The following RGPD3 variants were observed in gnomAD, a reference collection of about 807,000 sequenced individuals.
RGPD3 encodes RANBP2 like and GRIP domain containing 3, also known as ranBP2-like and GRIP domain-containing protein 3.
Under a neutral mutation model 154.5 loss-of-function variants are expected in RGPD3, and 62 were observed. That is an observed-to-expected ratio of 0.40 (90% confidence interval 0.33 to 0.50). The LOEUF (loss-of-function observed/expected upper bound fraction) is 0.50. Ranked by LOEUF, RGPD3 falls within the 20% of genes least tolerant of loss-of-function variation. RGPD3 has a pLI of 0.59. For missense variants in RGPD3, 919 were observed against 1,716.8 expected (o/e 0.54, Z 8.21); for synonymous variants, 308 against 607.0 (o/e 0.51, Z 7.24).
chr2:106,417,977 A>G (rs1243985209), intron 20 of RGPD3, among the ~76,000 whole-genome samples: 1 of 148,596 alleles, frequency 6.7e-6, no homozygotes, highest in Non-Finnish European at 1.5e-5. Flanking sequence ...AAAAATGCAA[A>G]AATTAGCCAG....
At chr2:106,459,410 C>T in intron 1 of RGPD3, 78 bp from the exon 2 acceptor site, 4 of 647,722 alleles carry the variant, frequency 6.2e-6, no homozygotes, top group South Asian at 1.8e-5. Flanking sequence ...TAAAAATCTG[C>T]CCTAAGTTTA....
intron 18 of RGPD3, among the ~76,000 whole-genome samples, chr2:106,429,110 T>TA (rs1276160285): frequency 1.5e-4 from 23 of 152,094 alleles, no homozygotes; most frequent in Admixed American, 1.4e-3. Context: ...AGTAATTATG[T>TA]AAGGCAAGTA....
At chr2:106,444,642 T>G (rs1273591500) in intron 7 of RGPD3, among the ~76,000 whole-genome samples, 1 of 137,356 alleles carries the variant, frequency 7.3e-6, no homozygotes, top group African/African-American at 2.8e-5. Flanking sequence ...CTGGGAAACA[T>G]AGCAAGACCT....
At chr2:106,448,794 G>A (rs1044624108) in intron 6 of RGPD3, among the ~76,000 whole-genome samples, 6 of 151,864 alleles carry the variant, frequency 4.0e-5, no homozygotes, top group Non-Finnish European at 8.8e-5. Context: ...AGGTTCAAGC[G>A]ATTCTTCTGC....
chr2:106,468,028 G>A (rs1250614843), intron 1 of RGPD3, among the ~76,000 whole-genome samples, 189 bp downstream of exon 1: 2 of 143,968 alleles, frequency 1.4e-5, no homozygotes, highest in African/African-American at 5.3e-5. Flanking sequence ...AGCGCCGGTC[G>A]GGAGCCATGA....
intron 1 of RGPD3, among the ~76,000 whole-genome samples, chr2:106,466,546 A>C (rs1295036775): frequency 1.8e-5 from 2 of 113,252 alleles, no homozygotes; most frequent in Non-Finnish European, 3.8e-5. Flanking sequence ...AGGCCGCCGC[A>C]GGGCCAGGTC....
chr2:106,415,872 G>A lies in RGPD3; in HGVS notation c.5042C>T (p.Ala1681Val). The A allele has an allele frequency of 1.2e-6, 2 of 1,611,876 alleles. No individual in the cohort carries two copies. The highest frequency in any genetic ancestry group is 1.7e-6 in the Non-Finnish European group (2 of 1,179,834). ...CACCTTAATTTGCTCCATAAGGACT[G>A]CATTGGTTGCCTCTATTTCCCGAAG... is the stretch of plus-strand genomic sequence containing the variant. ...GLLREIEATN[A>V]VLMEQIKLLK... is the part of the protein sequence containing the mutation. Residue 1681 changes from alanine (A) to valine (V), a missense_variant, in exon 21 of 23, where the codon GCA (alanine) becomes GTA (valine). Physicochemically the swap from Ala to Val is moderately conservative, Grantham distance 64. Coordinates refer to ENST00000409886, the MANE Select transcript of RGPD3 (RefSeq NM_001144013.2).
intron 11 of RGPD3, 60 bp from the exon 12 acceptor site, chr2:106,436,306 A>T: frequency 6.2e-7 from 1 of 1,610,908 alleles, no homozygotes; most frequent in Non-Finnish European, 8.5e-7. Context: ...GCGCTTACAT[A>T]CATATATGTT....
At position 106,425,248 on chromosome 2, in the gene RGPD3, A is replaced by C. The variant is rs1176649196; in HGVS notation, c.2719T>G (p.Phe907Val). 5.0e-6 allele frequency: 8 copies of C among 1,611,536 alleles called. No individual in the cohort carries two copies. The highest frequency in any genetic ancestry group is 6.8e-6 in the Non-Finnish European group (8 of 1,179,744). The stretch of plus-strand genomic sequence containing the variant: ...GAAAATCCTTCTTTGGTTGACTTAA[A>C]TTCTGTATTAGAAGAACCCTGAAAC... Reference protein sequence around the residue: ...TPTKGSSNTEFKSTKEGFSIP... With the variant: ...TPTKGSSNTEVKSTKEGFSIP... Residue 907 changes from phenylalanine to valine, a missense_variant, in exon 20 of 23, where the codon TTT becomes GTT. Coordinates refer to ENST00000409886, the MANE Select transcript of RGPD3 (RefSeq NM_001144013.2).
At chr2:106,422,902 G>C in intron 20 of RGPD3, 141 bp downstream of exon 20, 2 of 1,565,224 alleles carry the variant, frequency 1.3e-6, no homozygotes, top group Non-Finnish European at 1.7e-6. Flanking sequence ...TATTAAGGGA[G>C]AAAAAAATTG....
At chr2:106,414,563 A>G (rs1284575136) in intron 21 of RGPD3, among the ~76,000 whole-genome samples, 1 of 150,348 alleles carries the variant, frequency 6.7e-6, no homozygotes, top group Non-Finnish European at 1.5e-5. Context: ...CGGAGATTGC[A>G]GTGAGCTGAG....
intron 20 of RGPD3, among the ~76,000 whole-genome samples, chr2:106,421,599 C>G (rs1212746398): frequency 6.6e-6 from 1 of 151,796 alleles, no homozygotes; most frequent in Non-Finnish European, 1.5e-5. Flanking sequence ...AGTAGCCACA[C>G]TTCTAAAAAT....
chr2:106,469,806 T>A (rs535171602), upstream of RGPD3, among the ~76,000 whole-genome samples: 1 of 152,198 alleles, frequency 6.6e-6, no homozygotes, highest in Non-Finnish European at 1.5e-5. Flanking sequence ...CTTCTTAAAC[T>A]GACACAGACA....
At chr2:106,435,879 G>GA (rs1677532244) in intron 12 of RGPD3, among the ~76,000 whole-genome samples, 1 of 152,208 alleles carries the variant, frequency 6.6e-6, no homozygotes, top group Admixed American at 6.5e-5. Flanking sequence ...ATAATTATCA[G>GA]AACTTAATTA....
chr2:106,424,092 G>A lies in RGPD3; in HGVS notation c.3875C>T (p.Ser1292Phe). ...LFHFDESTTGSNFSFKSALSL... is the reference protein window; with the variant it reads ...LFHFDESTTGFNFSFKSALSL... Reference sequence around the variant, plus strand: ...CAAAGCAGATTTAAAACTGAAGTTAGATCCTGTTGTTGACTCATCAAAGTG... The same window carrying A: ...CAAAGCAGATTTAAAACTGAAGTTAAATCCTGTTGTTGACTCATCAAAGTG... The change falls in exon 20 of 23, where the codon TCT becomes TTT. Residue 1292 changes from serine to phenylalanine, a missense_variant. By Grantham distance (155) the Ser-to-Phe change is radical. Transcript: ENST00000409886. The A allele has an allele frequency of 6.2e-7, 1 of 1,611,300 alleles. No individual in the cohort carries two copies. The highest frequency in any genetic ancestry group is 8.5e-7 in the Non-Finnish European group (1 of 1,179,704).
upstream of RGPD3, chr2:106,468,450 G>A (rs1212748909): frequency 2.9e-6 from 4 of 1,399,006 alleles, no homozygotes; most frequent in East Asian, 2.6e-5. Context: ...TGTGTGGAAC[G>A]TTGGCGACTT....
intron 1 of RGPD3, 43 bp from the exon 2 acceptor site, chr2:106,459,375 T>C: frequency 7.6e-7 from 1 of 1,312,798 alleles, no homozygotes; most frequent in South Asian, 1.3e-5. Flanking sequence ...TACAGAAATA[T>C]TTTCCAACAT....
intron 6 of RGPD3, among the ~76,000 whole-genome samples, chr2:106,451,727 G>T (rs1426469512): frequency 6.6e-6 from 1 of 151,514 alleles, no homozygotes; most frequent in Non-Finnish European, 1.5e-5. Flanking sequence ...TCAAAATTTA[G>T]GAAAAAAGGT....
intron 21 of RGPD3, among the ~76,000 whole-genome samples, chr2:106,415,112 T>A (rs1038190388): frequency 6.6e-6 from 1 of 151,158 alleles, no homozygotes; most frequent in African/African-American, 2.4e-5. Context: ...TCTGCAACAT[T>A]CCTAGATGTT....
Sources: gnomAD v4.1 joint callset for allele counts (sites outside exome capture counted in the v4.1 genomes callset) on GRCh38, gnomAD v4.1.1 for gene constraint, MANE v1.5 for transcripts, NCBI Gene and HGNC (gene_info 2026-07-23, HGNC 2026-07-21) for gene names.